ADISSP: variants seen among roughly 807,000 people sequenced by gnomAD.
ADISSP encodes the protein adipose secreted signaling protein, also known as adipose-secreted signaling protein.
chr20:3,756,853 A>G, the ADISSP span, among the ~76,000 whole-genome samples: 9 of 152,310 alleles, frequency 5.9e-5, no homozygotes, highest in African/African-American at 1.9e-4. Flanking sequence ...GACACGTATC[A>G]TGGACCAGTA....
At chr20:3,763,474 T>A in the ADISSP span, among the ~76,000 whole-genome samples, 6 of 151,034 alleles carry the variant, frequency 4.0e-5, no homozygotes, top group Non-Finnish European at 7.4e-5. Context: ...GGAGAATCGC[T>A]TGAACCCAGG....
the ADISSP span, chr20:3,753,859 G>A: frequency 3.3e-6 from 2 of 603,996 alleles, no homozygotes; most frequent in Non-Finnish European, 3.0e-6. Flanking sequence ...CACACAGAGA[G>A]GAGGAAGTGG....
the ADISSP span, chr20:3,753,766 GGACCCACCCCA>G: frequency 2.1e-6 from 1 of 482,578 alleles, no homozygotes; most frequent in African/African-American, 2.0e-5. Context: ...GGGGAGTGGG[GGACCCACCCCA>G]GGCCCTCCCT....
At chr20:3,757,049 C>T in the ADISSP span, among the ~76,000 whole-genome samples, 2 of 90,860 alleles carry the variant, frequency 2.2e-5, no homozygotes, top group African/African-American at 1.3e-4. Context: ...AAATAAATAA[C>T]ATTTTAAAAA....
At chr20:3,753,796 C>T in the ADISSP span, 2 of 549,268 alleles carry the variant, frequency 3.6e-6, no homozygotes, top group Non-Finnish European at 6.6e-6. Context: ...CTCTCCCTTC[C>T]TCAGACAGCC....
the ADISSP span, chr20:3,755,623 TGAGG>T: frequency 6.3e-7 from 1 of 1,581,336 alleles, no homozygotes; most frequent in East Asian, 2.3e-5. Context: ...GCAGGAGAGG[TGAGG>T]GAGGGAGGCA....
the ADISSP span, among the ~76,000 whole-genome samples, chr20:3,766,731 G>T: frequency 1.0e-3 from 159 of 152,300 alleles, 1 homozygote; most frequent in South Asian, 0.025. Flanking sequence ...CGTAGCTCAG[G>T]ATGGATAGAA....
At chr20:3,754,247 A>T in the ADISSP span, 2 of 1,476,610 alleles carry the variant, frequency 1.4e-6, no homozygotes. Flanking sequence ...TCCCTCAGGG[A>T]TCAGCTGGAG....
the ADISSP span, chr20:3,758,674 G>C: frequency 1.2e-6 from 2 of 1,614,000 alleles, no homozygotes; most frequent in East Asian, 2.2e-5. The surrounding 1 kb of genome is among the most constrained non-coding windows in gnomAD (Gnocchi z 5.5). Flanking sequence ...CTCTGGGCTT[G>C]TTGCCTAGGA....
the ADISSP span, among the ~76,000 whole-genome samples, chr20:3,763,735 G>A: frequency 6.6e-6 from 1 of 152,184 alleles, no homozygotes; most frequent in South Asian, 2.1e-4. Context: ...CATCAGTCCA[G>A]GGACAGAAGA....
chr20:3,755,834 C>T, the ADISSP span, among the ~76,000 whole-genome samples: 1 of 152,218 alleles, frequency 6.6e-6, no homozygotes, highest in Non-Finnish European at 1.5e-5. Context: ...CAGCAAGATC[C>T]TCAGCATCTG....
the ADISSP span, among the ~76,000 whole-genome samples, chr20:3,754,996 C>T: frequency 7.9e-5 from 12 of 152,228 alleles, no homozygotes; most frequent in East Asian, 1.9e-4. Flanking sequence ...TGGAGCTCCA[C>T]GAAACTGACA....
the ADISSP span, chr20:3,758,489 G>C: frequency 6.3e-7 from 1 of 1,587,754 alleles, no homozygotes; most frequent in Non-Finnish European, 8.6e-7. This position sits in a 1 kb window ranked among gnomAD's most constrained non-coding sequence, Gnocchi z 5.5. Context: ...AAGCCAGGCA[G>C]AGCCGGGGAG....
the ADISSP span, among the ~76,000 whole-genome samples, chr20:3,762,014 A>G: frequency 2.0e-5 from 3 of 152,212 alleles, no homozygotes; most frequent in Non-Finnish European, 4.4e-5. Flanking sequence ...CAGGCTGGGA[A>G]CGGTGGCTCA....
the ADISSP span, among the ~76,000 whole-genome samples, chr20:3,766,698 T>C: frequency 6.6e-6 from 1 of 152,116 alleles, no homozygotes; most frequent in Admixed American, 6.5e-5. Context: ...CAGGATTATC[T>C]CCCAGGGACA....
At chr20:3,761,739 G>A in the ADISSP span, among the ~76,000 whole-genome samples, 52 of 152,302 alleles carry the variant, frequency 3.4e-4, 2 homozygotes, top group African/African-American at 1.2e-3. Flanking sequence ...AGGACAGCCT[G>A]TCACACTGAT....
the ADISSP span, chr20:3,758,814 G>A: frequency 1.3e-6 from 1 of 777,840 alleles, no homozygotes; most frequent in Non-Finnish European, 2.0e-6. The surrounding 1 kb of genome is among the most constrained non-coding windows in gnomAD (Gnocchi z 5.5). Flanking sequence ...AGGGCTAGAT[G>A]GACACTAGGA....
the ADISSP span, among the ~76,000 whole-genome samples, chr20:3,764,754 C>T: frequency 1.3e-5 from 2 of 152,350 alleles, no homozygotes; most frequent in African/African-American, 4.8e-5. Flanking sequence ...ATCACATTTG[C>T]TTGGAGGGCC....
the ADISSP span, among the ~76,000 whole-genome samples, chr20:3,757,762 G>A: frequency 1.3e-5 from 2 of 152,142 alleles, no homozygotes; most frequent in Non-Finnish European, 2.9e-5. Context: ...CCAAGTAGCT[G>A]GGACTACAGG....
Sources: allele counts gnomAD v4.1 joint callset (sites outside exome capture counted in the v4.1 genomes callset), GRCh38; gene constraint gnomAD v4.1.1; non-coding constraint Gnocchi (gnomAD v3.1); transcripts MANE v1.5; gene names NCBI Gene and HGNC (gene_info 2026-07-23, HGNC 2026-07-21).